SDK1: variants seen among roughly 807,000 people sequenced by gnomAD.
The protein encoded by SDK1 is protein sidekick-1.
SDK1 carries 157 observed loss-of-function variants against 245.5 expected under a neutral mutation model. The observed-to-expected ratio is 0.64, with a 90% CI of 0.56 to 0.73. The LOEUF (loss-of-function observed/expected upper bound fraction) is 0.73. SDK1 is among the 30% of genes least tolerant of loss of function. The pLI, the probability that SDK1 is intolerant of heterozygous loss-of-function variation, is 0.00. For missense variants in SDK1, 3,583 were observed against 3,002.3 expected, an observed-to-expected ratio of 1.19 and a Z score of -4.52; for synonymous variants, 1,647 against 1,278.5, an observed-to-expected ratio of 1.29 and a Z score of -6.15.
chr7:3,338,497 G>T (rs183169481), intron 1 of SDK1: 2 of 480,770 alleles, frequency 4.2e-6, no homozygotes, highest in Non-Finnish European at 8.0e-6. Flanking sequence ...ATGTACCAGG[G>T]TTCAGCTGAA....
intron 35 of SDK1, among the ~76,000 whole-genome samples, chr7:4,181,195 G>A (rs1452544041): frequency 6.6e-6 from 1 of 152,240 alleles, no homozygotes; most frequent in African/African-American, 2.4e-5. Context: ...GTCGTGCAGT[G>A]CTTGTCTTCC....
chr7:3,727,566 TG>T (rs1011223425), intron 4 of SDK1, among the ~76,000 whole-genome samples: 24 of 152,222 alleles, frequency 1.6e-4, no homozygotes, highest in African/African-American at 5.5e-4. Context: ...TCTTGGCTCA[TG>T]GCAACCTCCA....
intron 28 of SDK1, 28 bp downstream of exon 28, chr7:4,132,451 G>A (rs1276184228): frequency 6.6e-7 from 1 of 1,526,440 alleles, no homozygotes; most frequent in Non-Finnish European, 9.0e-7. Flanking sequence ...GCCGGGCGTG[G>A]TGGCTCAGGC....
chr7:3,684,674 G>A (rs1230715255), intron 4 of SDK1, among the ~76,000 whole-genome samples: 1 of 152,126 alleles, frequency 6.6e-6, no homozygotes, highest in African/African-American at 2.4e-5. Context: ...AGAGATGAAT[G>A]TGATGTTGGA....
chr7:3,399,895 A>G (rs1416443490), intron 1 of SDK1, among the ~76,000 whole-genome samples: 1 of 152,106 alleles, frequency 6.6e-6, no homozygotes, highest in Non-Finnish European at 1.5e-5. Context: ...TGGCTGCCCA[A>G]CTGGTATGGC....
intron 4 of SDK1, among the ~76,000 whole-genome samples, chr7:3,718,220 C>A (rs1358632799): frequency 6.6e-6 from 1 of 152,108 alleles, no homozygotes; most frequent in Non-Finnish European, 1.5e-5. Context: ...CAACACTCAG[C>A]TGGTTGCGGT....
chr7:4,199,287 C>T (rs188278282), intron 35 of SDK1, among the ~76,000 whole-genome samples: 2 of 152,270 alleles, frequency 1.3e-5, no homozygotes, highest in East Asian at 3.9e-4. Flanking sequence ...GTGATGGGGA[C>T]TCACTGTACG....
At chr7:3,566,974 G>C (rs1042432935) in intron 1 of SDK1, among the ~76,000 whole-genome samples, 1 of 152,168 alleles carries the variant, frequency 6.6e-6, no homozygotes, top group South Asian at 2.1e-4. Context: ...TGGGAGTGTA[G>C]ACTTGGCACC....
chr7:3,372,762 C>T (rs1018221675), intron 1 of SDK1, among the ~76,000 whole-genome samples: 2 of 152,146 alleles, frequency 1.3e-5, no homozygotes, highest in African/African-American at 4.8e-5. Flanking sequence ...AGGAAGAGAG[C>T]ACACAGTGTA....
At chr7:3,951,173 C>G (rs1056296585) in intron 6 of SDK1, 139 bp downstream of exon 6, 8 of 659,830 alleles carry the variant, frequency 1.2e-5, no homozygotes, top group East Asian at 5.6e-5. Context: ...GCCATGAATA[C>G]GAGATATGGG....
intron 1 of SDK1, among the ~76,000 whole-genome samples, chr7:3,521,372 C>G (rs762265638): frequency 6.6e-6 from 1 of 152,132 alleles, no homozygotes; most frequent in Non-Finnish European, 1.5e-5. Context: ...TCCAGGGATC[C>G]GGAACATGGA....
intron 9 of SDK1, among the ~76,000 whole-genome samples, chr7:3,967,063 G>C (rs141021832): frequency 1.3e-5 from 2 of 152,112 alleles, no homozygotes; most frequent in Non-Finnish European, 2.9e-5. Context: ...TGTTCTTCCT[G>C]GGCCCCTGCA....
At chr7:3,338,366 C>A in intron 1 of SDK1, 2 of 521,866 alleles carry the variant, frequency 3.8e-6, no homozygotes, top group South Asian at 1.7e-5. Context: ...AAGGTCAGGG[C>A]ACGACTCTTG....
intron 22 of SDK1, among the ~76,000 whole-genome samples, chr7:4,100,188 C>T (rs973060870): frequency 6.6e-6 from 1 of 152,178 alleles, no homozygotes; most frequent in Non-Finnish European, 1.5e-5. Context: ...CCTGTTTCCC[C>T]TTGAGAGGGA....
At chr7:3,569,863 GTTGT>G (rs1159811007) in intron 1 of SDK1, among the ~76,000 whole-genome samples, 2 of 152,124 alleles carry the variant, frequency 1.3e-5, no homozygotes, top group African/African-American at 4.8e-5. Flanking sequence ...CAGTTGGTAC[GTTGT>G]TTATTTTATG....
At chr7:4,178,460 A>C in intron 34 of SDK1, 25 bp from the exon 35 acceptor site, 4 of 1,542,156 alleles carry the variant, frequency 2.6e-6, no homozygotes, top group Non-Finnish European at 3.6e-6. Flanking sequence ...GTGGAAGCTG[A>C]TCCATATTTC....
At position 3,623,980 on chromosome 7, in the gene SDK1, T is replaced by C. The variant is rs142995975; in HGVS notation, c.458+4741T>C. On this transcript the variant is annotated intron_variant, in intron 2 of 44. Coordinates refer to ENST00000404826, the MANE Select transcript of SDK1 (RefSeq NM_152744.4). ...AAGGTTATTTTTTTCTTTTGTTTTATAAAAAGGCAAACATTTCACAGTATC... is the reference window on the plus strand; with the variant it reads ...AAGGTTATTTTTTTCTTTTGTTTTACAAAAAGGCAAACATTTCACAGTATC... Among the ~76,000 whole-genome samples the C allele has an allele frequency of 3.6e-3, 542 of 152,268 alleles. 4 individuals carry two copies. The highest frequency in any genetic ancestry group is 0.012 in the African/African-American group (519 of 41,552).
intron 1 of SDK1, among the ~76,000 whole-genome samples, chr7:3,452,325 C>G (rs984931907): frequency 1.3e-5 from 2 of 152,132 alleles, no homozygotes. Flanking sequence ...TGGTTGCTTT[C>G]TGCCACTCTT....
At chr7:3,899,661 G>C (rs891608422) in intron 5 of SDK1, among the ~76,000 whole-genome samples, 2 of 152,206 alleles carry the variant, frequency 1.3e-5, no homozygotes, top group African/African-American at 4.8e-5. Context: ...AGCTGCACCA[G>C]CTCCACAGGC....
Sources: allele counts gnomAD v4.1 joint callset (sites outside exome capture counted in the v4.1 genomes callset), GRCh38; gene constraint gnomAD v4.1.1; transcripts MANE v1.5; gene names NCBI Gene and HGNC (gene_info 2026-07-23, HGNC 2026-07-21).